The following IL7R variants were observed in gnomAD, a reference collection of about 807,000 sequenced individuals.
IL7R encodes the protein interleukin-7 receptor subunit alpha.
A neutral mutation model predicts 47.0 loss-of-function variants in IL7R; 38 were observed. That is an observed-to-expected ratio of 0.81 (90% CI 0.62 to 1.06). The LOEUF (loss-of-function observed/expected upper bound fraction) is 1.06, where lower values mean the gene tolerates loss of function less well. IL7R is among the 50% of genes least tolerant of loss of function. The pLI is 0.00. For missense variants in IL7R, 633 were observed against 534.8 expected (o/e 1.18, Z -1.81); for synonymous variants, 221 against 199.8 (o/e 1.11, Z -0.89).
chr5:35,858,946 G>T (rs1188529516), intron 1 of IL7R, among the ~76,000 whole-genome samples: 1 of 152,150 alleles, frequency 6.6e-6, no homozygotes, highest in Non-Finnish European at 1.5e-5. Context: ...CTTAACCACT[G>T]TGTACATTAA....
rs1760196044 is a variant in IL7R at position 35,875,996 on chromosome 5, GT to G, written c.893del (p.Phe298SerfsTer35). The G allele has an allele frequency of 6.2e-7, 1 of 1,612,910 alleles. No homozygotes were observed. Among genetic ancestry groups the G allele is most frequent in the Non-Finnish European group, 8.5e-7 (1 of 1,180,002 alleles). ...TTTTCTGTGCAGAATTTAAATGTGAGTTTCAATCCTGAAAGTTTCCTGGACT... is the reference window on the plus strand; with the variant it reads ...TTTTCTGTGCAGAATTTAAATGTGAGTTCAATCCTGAAAGTTTCCTGGACT... Reference protein sequence around the residue: ...CKKPRKNLNVSFNPESFLDCQ... With the variant: ...CKKPRKNLNVXFNPESFLDCQ... On this transcript the variant is annotated frameshift_variant, in exon 8 of 8. Coordinates refer to ENST00000303115, the MANE Select transcript of IL7R (RefSeq NM_002185.5). LOFTEE classifies it high-confidence loss of function.
intron 3 of IL7R, among the ~76,000 whole-genome samples, chr5:35,870,752 A>G (rs1760051507): frequency 6.6e-6 from 1 of 152,166 alleles, no homozygotes; most frequent in Admixed American, 6.5e-5. Context: ...TCTGTAATGC[A>G]GGACTCCAAG....
At chr5:35,867,212 A>C in intron 2 of IL7R, 94 bp from the exon 3 acceptor site, 1 of 1,152,834 alleles carries the variant, frequency 8.7e-7, no homozygotes, top group Admixed American at 1.7e-5. Flanking sequence ...AACAGAGTTA[A>C]AGTCAAACAT....
intron 3 of IL7R, among the ~76,000 whole-genome samples, chr5:35,868,027 A>G (rs1759982130): frequency 6.6e-6 from 1 of 152,180 alleles, no homozygotes; most frequent in Non-Finnish European, 1.5e-5. Context: ...AAAATCCATA[A>G]GGCAAGCCAG....
chr5:35,862,519 T>C (rs1040808075), intron 2 of IL7R, among the ~76,000 whole-genome samples: 2 of 152,178 alleles, frequency 1.3e-5, no homozygotes, highest in African/African-American at 4.8e-5. Flanking sequence ...TTCAGATATT[T>C]CAGTTGGAAA....
At chr5:35,869,882 C>T (rs2149900806) in intron 3 of IL7R, among the ~76,000 whole-genome samples, 1 of 152,276 alleles carries the variant, frequency 6.6e-6, no homozygotes, top group African/African-American at 2.4e-5. Flanking sequence ...AAAACAAAGT[C>T]ATTACTTTTT....
At position 35,871,091 on chromosome 5, in the gene IL7R, T is replaced by G. The variant is rs772130250; in HGVS notation, c.415T>G (p.Tyr139Asp). 1 of 1,612,686 alleles carries G rather than the reference T, an allele frequency of 6.2e-7. No homozygotes were observed. Among genetic ancestry groups the G allele is most frequent in the South Asian group, 1.1e-5 (1 of 91,066 alleles). Reference sequence around the variant, plus strand: ...GGCTCCTTTTGACCTGAGTGTCGTCTATCGGGAAGGAGCCAATGACTTTGT... The same window carrying G: ...GGCTCCTTTTGACCTGAGTGTCGTCGATCGGGAAGGAGCCAATGACTTTGT... ...PEAPFDLSVV[Y>D]REGANDFVVT... is the part of the protein sequence containing the mutation. Residue 139 changes from tyrosine to aspartate, a missense_variant, in exon 4 of 8, where the codon TAT becomes GAT. Physicochemically the swap from Tyr to Asp is radical, Grantham distance 160. Transcript: ENST00000303115.
At chr5:35,870,145 G>A (rs1045922508) in intron 3 of IL7R, among the ~76,000 whole-genome samples, 2 of 152,204 alleles carry the variant, frequency 1.3e-5, no homozygotes, top group Admixed American at 6.5e-5. Flanking sequence ...CCCAGGCTGT[G>A]ACCAACAAGC....
In IL7R at chr5:35,876,577, G is replaced by A. The variant is rs1760223963; in HGVS notation, c.*91G>A. 6.9e-7 allele frequency: 1 copy of A among 1,439,886 alleles called. No individual in the cohort carries two copies. The highest frequency in any genetic ancestry group is 1.2e-5 in the South Asian group (1 of 85,128). The allele number at this position is 1,439,886 out of a possible 1,614,324, so 89.2% of individuals were successfully genotyped here. A position where few individuals can be genotyped will look rare whatever the true frequency, so the allele number is the denominator to read the frequency against. On this transcript the variant is annotated 3_prime_UTR_variant, in exon 8 of 8. Transcript: ENST00000303115. ...TTCCTAGTCTCCCTCACAGCACAGA[G>A]AAGACAAAATTAGCAAAACCCCACT...
intron 4 of IL7R, 115 bp downstream of exon 4, chr5:35,871,328 T>C: frequency 1.3e-6 from 1 of 780,072 alleles, no homozygotes; most frequent in Non-Finnish European, 2.1e-6. Flanking sequence ...AAAATCTACC[T>C]TCTACTGAAA....
intron 3 of IL7R, among the ~76,000 whole-genome samples, chr5:35,870,287 C>T (rs1222006549): frequency 2.6e-5 from 4 of 152,234 alleles, no homozygotes; most frequent in African/African-American, 9.6e-5. Flanking sequence ...TTGATACTAA[C>T]AGCAACCCTG....
At position 35,879,263 on chromosome 5, in the gene IL7R, C is replaced by T. The variant is rs948971949; in HGVS notation, c.*2777C>T. ...TTTGCCTCTTCCTTCAATGTGGTTT[C>T]CATGGGAATTTGCTTCAGAAAAGCC... is the stretch of plus-strand genomic sequence containing the variant. On this transcript the variant is annotated 3_prime_UTR_variant, in exon 8 of 8. Transcript: ENST00000303115. 5 of 232,794 alleles carry T rather than the reference C, an allele frequency of 2.1e-5. No individual in the cohort carries two copies. Among genetic ancestry groups the T allele is most frequent in the Admixed American group, 1.7e-4 (3 of 17,774 alleles). 14.4% of individuals were successfully genotyped at this position (232,794 alleles called of 1,614,324 possible).
chr5:35,879,359 C>T lies in IL7R; in HGVS notation c.*2873C>T, dbSNP rs377053917. The T allele has an allele frequency of 3.2e-4, 75 of 232,464 alleles. No homozygotes were observed. Among genetic ancestry groups the T allele is most frequent in the Middle Eastern group, 1.3e-3 (1 of 782 alleles). 14.4% of individuals were successfully genotyped at this position (232,464 alleles called of 1,614,324 possible). A position where few individuals can be genotyped will look rare whatever the true frequency, so the allele number is the denominator to read the frequency against. On this transcript the variant is annotated 3_prime_UTR_variant, in exon 8 of 8. Transcript: ENST00000303115. ...TCTAGAGGGGCTAAGAGACTTGGTA[C>T]GGGCCAGGAAGAATATGTGGCAGAG...
At chr5:35,873,703 G>T in intron 5 of IL7R, 55 bp downstream of exon 5, 1 of 1,507,880 alleles carries the variant, frequency 6.6e-7, no homozygotes, top group South Asian at 1.1e-5. Flanking sequence ...ATGTCAAAGT[G>T]TGGGAGCAAG....
rs1259524849 is a variant in IL7R, at chr5:35,867,567, T to C, written c.379+104T>C. On this transcript the variant is annotated intron_variant, in intron 3 of 7. Transcript: ENST00000303115. ...AAAGTAGACAAATAGTGGAAACAAC[T>C]GGCAATAGATAATAGCTAATTCCCT... 3.5e-6 allele frequency: 3 copies of C among 867,900 alleles called. No individual in the cohort carries two copies. The East Asian group carries it at 7.4e-5, about 21-fold the overall frequency. The allele number at this position is 867,900 out of a possible 1,614,324, so 53.8% of individuals were successfully genotyped here. A position where few individuals can be genotyped will look rare whatever the true frequency, so the allele number is the denominator to read the frequency against.
chr5:35,872,975 T>C (rs11567758), intron 4 of IL7R, among the ~76,000 whole-genome samples: 2 of 152,090 alleles, frequency 1.3e-5, no homozygotes, highest in Non-Finnish European at 2.9e-5. Context: ...TAAATACAGA[T>C]ATAAATAGCA....
At chr5:35,857,278 A>G (rs535341274) in intron 1 of IL7R, among the ~76,000 whole-genome samples, 1 of 152,256 alleles carries the variant, frequency 6.6e-6, no homozygotes, top group South Asian at 2.1e-4. Context: ...CTCAAGAAGG[A>G]ATGCATTTCA....
rs376663189 is a variant in IL7R at position 35,861,000 on chromosome 5, G to A, written c.221+10G>A. 1.5e-4 allele frequency: 241 copies of A among 1,612,910 alleles called. No homozygotes were observed. Among genetic ancestry groups the A allele is most frequent in the Non-Finnish European group, 2.0e-4 (230 of 1,179,146 alleles). On this transcript the variant is annotated intron_variant, in intron 2 of 7. Transcript: ENST00000303115. ...TGGAATTTGAAATATGGTGAGGGAT[G>A]GTGGTTTTAATGGTTGCTTAGACAT...
In IL7R at chr5:35,876,491, T is replaced by C. The variant is rs1376376135; in HGVS notation, c.*5T>C. The C allele has an allele frequency of 3.1e-6, 5 of 1,601,132 alleles. No individual in the cohort carries two copies. Among genetic ancestry groups the C allele is most frequent in the African/African-American group, 1.3e-5 (1 of 75,020 alleles). On this transcript the variant is annotated 3_prime_UTR_variant, in exon 8 of 8. Coordinates refer to ENST00000303115, the MANE Select transcript of IL7R (RefSeq NM_002185.5). ...AGCTTCTACCAAAACCAGTGAAGTG[T>C]AAGAAACCCAGACTGAACTTACCGT...
Sources: gnomAD v4.1 joint callset for allele counts (sites outside exome capture counted in the v4.1 genomes callset) on GRCh38, gnomAD v4.1.1 for gene constraint, MANE v1.5 for transcripts, NCBI Gene and HGNC (gene_info 2026-07-23, HGNC 2026-07-21) for gene names.